EYS: variants seen among roughly 807,000 people sequenced by gnomAD.
EYS encodes the protein EGF-like photoreceptor maintenance factor, also known as protein eyes shut homolog.
EYS carries 250 observed loss-of-function variants against 282.1 expected under a neutral mutation model. The observed-to-expected ratio is 0.89, with a 90% CI of 0.80 to 0.98. The LOEUF (loss-of-function observed/expected upper bound fraction) is 0.98. Among genes scored for constraint, EYS ranks in the 50% least tolerant of loss-of-function variants. EYS has a pLI of 0.00. For missense variants in EYS, 4,016 were observed against 3,709.0 expected, an observed-to-expected ratio of 1.08 and a Z score of -2.15; for synonymous variants, 1,355 against 1,282.9, an observed-to-expected ratio of 1.06 and a Z score of -1.20.
intron 14 of EYS, among the ~76,000 whole-genome samples, chr6:64,958,674 G>A (rs1238616370): frequency 3.0e-5 from 4 of 133,686 alleles, no homozygotes; most frequent in Non-Finnish European, 4.6e-5. Context: ...GGCGGAGCTT[G>A]CAGTGAGCGG....
At chr6:65,202,244 T>A (rs1765921078) in intron 12 of EYS, among the ~76,000 whole-genome samples, 1 of 152,078 alleles carries the variant, frequency 6.6e-6, no homozygotes, top group Admixed American at 6.6e-5. Flanking sequence ...TAATAAAAAA[T>A]AAAGGAAATC....
At chr6:65,185,425 G>C (rs78008433) in intron 12 of EYS, among the ~76,000 whole-genome samples, 3,892 of 151,886 alleles carry the variant, frequency 0.026, 163 homozygotes, top group African/African-American at 0.088. Flanking sequence ...GTTTTAGAGA[G>C]CTGAGCTGAA....
At chr6:65,082,358 A>G (rs1774251828) in intron 12 of EYS, among the ~76,000 whole-genome samples, 2 of 152,038 alleles carry the variant, frequency 1.3e-5, no homozygotes, top group Admixed American at 1.3e-4. Flanking sequence ...TTCTATATTA[A>G]AAATACAAAA....
At chr6:64,983,639 G>T (rs1770755199) in intron 14 of EYS, among the ~76,000 whole-genome samples, 1 of 151,262 alleles carries the variant, frequency 6.6e-6, no homozygotes, top group Non-Finnish European at 1.5e-5. Context: ...TACTTCTGTT[G>T]TACTAGTATG....
intron 18 of EYS, among the ~76,000 whole-genome samples, chr6:64,898,527 C>G (rs370720566): frequency 7.9e-5 from 12 of 151,944 alleles, no homozygotes; most frequent in African/African-American, 2.9e-4. Flanking sequence ...ATTGACACTA[C>G]GAAGAAACTG....
intron 26 of EYS, among the ~76,000 whole-genome samples, chr6:64,523,830 C>T (rs1777833191): frequency 6.6e-6 from 1 of 151,634 alleles, no homozygotes; most frequent in African/African-American, 2.4e-5. Flanking sequence ...GCACTTCCTC[C>T]TTCCTCCCTC....
chr6:65,022,576 C>T (rs1014599300), intron 13 of EYS, among the ~76,000 whole-genome samples: 2 of 151,916 alleles, frequency 1.3e-5, no homozygotes, highest in African/African-American at 2.4e-5. Context: ...CTGAAATAAA[C>T]TCTCATAAGA....
intron 31 of EYS, among the ~76,000 whole-genome samples, chr6:64,190,845 T>C (rs1342365969): frequency 2.0e-5 from 3 of 152,206 alleles, no homozygotes; most frequent in African/African-American, 4.8e-5. Flanking sequence ...AATTATATGT[T>C]TAAACATTTT....
chr6:64,624,610 G>A (rs1057055996), intron 23 of EYS, among the ~76,000 whole-genome samples: 3 of 152,106 alleles, frequency 2.0e-5, no homozygotes, highest in African/African-American at 7.2e-5. Flanking sequence ...GATGTTCTAC[G>A]TGACCAAATA....
chr6:63,931,402 A>T (rs1436218262), intron 35 of EYS, among the ~76,000 whole-genome samples: 1 of 151,472 alleles, frequency 6.6e-6, no homozygotes, highest in Non-Finnish European at 1.5e-5. Flanking sequence ...TGCTCTTCTG[A>T]CTCTTCTATT....
intron 33 of EYS, among the ~76,000 whole-genome samples, chr6:64,028,207 C>T (rs923700799): frequency 6.6e-6 from 1 of 152,186 alleles, no homozygotes; most frequent in Non-Finnish European, 1.5e-5. Flanking sequence ...GAAGTCTGGG[C>T]ATTGGAAGGA....
At chr6:64,957,709 C>A (rs939686374) in intron 14 of EYS, among the ~76,000 whole-genome samples, 2 of 151,966 alleles carry the variant, frequency 1.3e-5, no homozygotes, top group East Asian at 3.9e-4. Flanking sequence ...CTCATGCATA[C>A]CATAAATATA....
At chr6:64,187,990 A>G (rs1239640473) in intron 31 of EYS, among the ~76,000 whole-genome samples, 1 of 152,162 alleles carries the variant, frequency 6.6e-6, no homozygotes, top group African/African-American at 2.4e-5. Flanking sequence ...ATATTTCTGT[A>G]ACATACAAAG....
intron 22 of EYS, among the ~76,000 whole-genome samples, chr6:64,749,949 C>A (rs1772688592): frequency 6.6e-6 from 1 of 151,728 alleles, no homozygotes; most frequent in African/African-American, 2.4e-5. Flanking sequence ...TTACTTATAT[C>A]TTTTAATATT....
intron 22 of EYS, among the ~76,000 whole-genome samples, chr6:64,636,246 A>C (rs1206319907): frequency 6.6e-6 from 1 of 152,332 alleles, no homozygotes; most frequent in African/African-American, 2.4e-5. Flanking sequence ...ACAGAGATAT[A>C]GATAAATGGA....
At chr6:63,761,143 G>A (rs535965474) in intron 41 of EYS, among the ~76,000 whole-genome samples, 1 of 150,890 alleles carries the variant, frequency 6.6e-6, no homozygotes, top group South Asian at 2.1e-4. Flanking sequence ...AATCAGGAAA[G>A]GCTTCCCTAA....
intron 11 of EYS, among the ~76,000 whole-genome samples, chr6:65,318,277 A>G (rs1769370126): frequency 6.6e-6 from 1 of 151,734 alleles, no homozygotes; most frequent in Non-Finnish European, 1.5e-5. Context: ...CCAGCAATAG[A>G]TCAGAGAGAG....
At chr6:64,034,778 T>G (rs1035439543) in intron 33 of EYS, among the ~76,000 whole-genome samples, 1 of 151,886 alleles carries the variant, frequency 6.6e-6, no homozygotes, top group African/African-American at 2.4e-5. Context: ...TTAAGAGGAA[T>G]AATGGACAAT....
In EYS at chr6:64,344,837, C is replaced by A. The variant is rs566491707; in HGVS notation, c.6079-37755G>T. ...CCCAAAATCTCTTTAAGCTGATAAGCAACTTCAGCAAAATCTCAGCATACA... is the reference window on the plus strand; with the variant it reads ...CCCAAAATCTCTTTAAGCTGATAAGAAACTTCAGCAAAATCTCAGCATACA... On this transcript the variant is annotated intron_variant, in intron 29 of 42. Transcript: ENST00000503581. Among the ~76,000 whole-genome samples the A allele has an allele frequency of 2.0e-4, 31 of 152,222 alleles. No individual in the cohort carries two copies. In the South Asian group the frequency reaches 5.0e-3, roughly 24 times the overall value.
Sources: gnomAD v4.1 joint callset for allele counts (sites outside exome capture counted in the v4.1 genomes callset) on GRCh38, gnomAD v4.1.1 for gene constraint, MANE v1.5 for transcripts, NCBI Gene and HGNC (gene_info 2026-07-23, HGNC 2026-07-21) for gene names.